Variants in TMEM232 observed in about 807,000 individuals in gnomAD.
The protein encoded by TMEM232 is transmembrane protein 232.
TMEM232 carries 80 observed loss-of-function variants against 78.8 expected under a neutral mutation model. That is an observed-to-expected ratio of 1.01 (90% CI 0.85 to 1.22). The LOEUF (loss-of-function observed/expected upper bound fraction) is 1.22. TMEM232 is among the 50% of genes most tolerant of loss of function. The pLI is 0.00. For missense variants in TMEM232, 881 were observed against 742.2 expected, an observed-to-expected ratio of 1.19 and a Z score of -2.17; for synonymous variants, 297 against 254.3, an observed-to-expected ratio of 1.17 and a Z score of -1.60.
intron 7 of TMEM232, among the ~76,000 whole-genome samples, chr5:110,620,320 T>C (rs1783469492): frequency 6.6e-6 from 1 of 152,174 alleles, no homozygotes; most frequent in Non-Finnish European, 1.5e-5. Context: ...AATATTACTC[T>C]GAGACCATAA....
chr5:110,566,866 A>T (rs1332840583), intron 11 of TMEM232, among the ~76,000 whole-genome samples: 1 of 151,954 alleles, frequency 6.6e-6, no homozygotes, highest in Non-Finnish European at 1.5e-5. Context: ...TATTGCTACA[A>T]AGAAATACCC....
intron 1 of TMEM232, among the ~76,000 whole-genome samples, chr5:110,707,467 A>C (rs931349426): frequency 2.0e-5 from 3 of 152,208 alleles, no homozygotes; most frequent in African/African-American, 7.2e-5. Context: ...GTTGGACCAG[A>C]CTTAGCTAGG....
chr5:110,438,991 C>T (rs566436714), intron 12 of TMEM232, among the ~76,000 whole-genome samples: 49 of 152,234 alleles, frequency 3.2e-4, no homozygotes, highest in African/African-American at 1.2e-3. Flanking sequence ...TTTCTGGGCA[C>T]ATAAATAAGA....
chr5:110,476,929 G>C lies in TMEM232; in HGVS notation c.1703+51659C>G, dbSNP rs142917280. Among the ~76,000 whole-genome samples, 979 of 152,106 alleles carry C rather than the reference G, an allele frequency of 6.4e-3. 19 individuals are homozygous for C. Among genetic ancestry groups the C allele is most frequent in the African/African-American group, 0.022 (905 of 41,526 alleles). On this transcript the variant is annotated intron_variant, in intron 12 of 13. Coordinates refer to ENST00000455884, the MANE Select transcript of TMEM232 (RefSeq NM_001039763.4). ...CCAACAGACAGAGGATGATAACGTA[G>C]ATGGTGTTTAGAAACATGAAATTCC...
chr5:110,464,901 T>C (rs1156823331), intron 12 of TMEM232, among the ~76,000 whole-genome samples: 1 of 152,184 alleles, frequency 6.6e-6, no homozygotes, highest in Non-Finnish European at 1.5e-5. Flanking sequence ...ACTGCATACA[T>C]TTCTAAGAAC....
intron 2 of TMEM232, among the ~76,000 whole-genome samples, chr5:110,661,057 A>G (rs1789713353): frequency 6.6e-6 from 1 of 152,158 alleles, no homozygotes; most frequent in East Asian, 1.9e-4. Context: ...AATTTATTTT[A>G]GCACACACAT....
chr5:110,703,886 C>G (rs767028896), intron 1 of TMEM232, among the ~76,000 whole-genome samples: 1 of 152,064 alleles, frequency 6.6e-6, no homozygotes, highest in African/African-American at 2.4e-5. Context: ...TAAAGCTTTT[C>G]AAATTACTCG....
At chr5:110,693,730 G>T (rs1234695155) in intron 1 of TMEM232, among the ~76,000 whole-genome samples, 1 of 152,138 alleles carries the variant, frequency 6.6e-6, no homozygotes, top group Non-Finnish European at 1.5e-5. Flanking sequence ...TGAATGAAAT[G>T]AAGCAAGAAG....
intron 12 of TMEM232, among the ~76,000 whole-genome samples, chr5:110,512,907 G>A (rs906829140): frequency 3.9e-5 from 6 of 152,084 alleles, no homozygotes; most frequent in African/African-American, 1.4e-4. Flanking sequence ...TAATACCTGT[G>A]TTATTTTTAA....
At chr5:110,482,749 A>G (rs1215187236) in intron 12 of TMEM232, among the ~76,000 whole-genome samples, 1 of 151,858 alleles carries the variant, frequency 6.6e-6, no homozygotes, top group Non-Finnish European at 1.5e-5. Context: ...ATCTAGCTAA[A>G]TCATTAGAAA....
intron 11 of TMEM232, among the ~76,000 whole-genome samples, chr5:110,548,515 A>G (rs1055558077): frequency 7.6e-4 from 115 of 151,756 alleles, no homozygotes; most frequent in African/African-American, 2.7e-3. Flanking sequence ...AATAATGTGT[A>G]ACCACCAAAC....
chr5:110,423,602 T>C (rs1025647927), intron 13 of TMEM232, among the ~76,000 whole-genome samples: 1 of 152,160 alleles, frequency 6.6e-6, no homozygotes, highest in African/African-American at 2.4e-5. Context: ...TTATTTATCC[T>C]TCTTTAGCTA....
downstream of TMEM232, among the ~76,000 whole-genome samples, chr5:110,417,023 T>C (rs17132097): frequency 0.032 from 4,858 of 152,278 alleles, 264 homozygotes; most frequent in African/African-American, 0.11. Context: ...CTTAAAAGTT[T>C]TATGAGTATT....
chr5:110,402,924 A>G (rs754160078), intron 2 of TMEM232, among the ~76,000 whole-genome samples: 13 of 152,128 alleles, frequency 8.5e-5, no homozygotes, highest in Non-Finnish European at 1.2e-4. Flanking sequence ...AGAGACAGCA[A>G]ATGACCACTA....
Position 110,625,318 on chromosome 5 carries a change from A to C in TMEM232, c.717T>G (p.Ile239Met). The change falls in exon 7 of 14, where the codon ATT (isoleucine) becomes ATG (methionine). Residue 239 changes from isoleucine to methionine, a missense_variant. Ile to Met is a conservative substitution (Grantham distance 10). Transcript: ENST00000455884. ...IGKRELRSES[I>M]FRPVEDKKRY... is the part of the protein sequence containing the mutation. The stretch of plus-strand genomic sequence containing the variant: ...TTTTCTTATCTTCCACAGGTCTAAA[A>C]ATGGATTCAGAACGGAGTTCTCTTT... The C allele has an allele frequency of 1.9e-6, 3 of 1,546,350 alleles. No homozygotes were observed. Among genetic ancestry groups the C allele is most frequent in the Non-Finnish European group, 2.6e-6 (3 of 1,144,360 alleles).
chr5:110,494,617 A>G (rs1765449574), intron 12 of TMEM232, among the ~76,000 whole-genome samples: 1 of 152,112 alleles, frequency 6.6e-6, no homozygotes, highest in Non-Finnish European at 1.5e-5. Flanking sequence ...CTAGAAAAAC[A>G]GTGCCATATG....
At chr5:110,400,801 C>A (rs756246481) in intron 2 of TMEM232, among the ~76,000 whole-genome samples, 8 of 151,910 alleles carry the variant, frequency 5.3e-5, no homozygotes, top group Non-Finnish European at 1.0e-4. Context: ...TATTTTGGGG[C>A]GGGGGAACAT....
chr5:110,709,488 GA>G (rs1208881886), intron 1 of TMEM232, among the ~76,000 whole-genome samples: 1 of 151,996 alleles, frequency 6.6e-6, no homozygotes, highest in African/African-American at 2.4e-5. Context: ...TTAGGTCACA[GA>G]ATTGGGTCCA....
At chr5:110,729,900 C>A (rs189638877), upstream of TMEM232, among the ~76,000 whole-genome samples, 47 of 152,300 alleles carry the variant, frequency 3.1e-4, no homozygotes, top group African/African-American at 1.1e-3. Context: ...GACACATTCA[C>A]CTGGGAAGAC....
Sources: gnomAD v4.1 joint callset for allele counts (sites outside exome capture counted in the v4.1 genomes callset) on GRCh38, gnomAD v4.1.1 for gene constraint, MANE v1.5 for transcripts, NCBI Gene and HGNC (gene_info 2026-07-23, HGNC 2026-07-21) for gene names.